EMSY: variants seen among roughly 807,000 people sequenced by gnomAD.
EMSY encodes the protein BRCA2-interacting transcriptional repressor EMSY.
EMSY carries 26 observed loss-of-function variants against 134.6 expected under a neutral mutation model. The observed-to-expected ratio is 0.19, with a 90% CI of 0.14 to 0.27. The LOEUF (loss-of-function observed/expected upper bound fraction) is 0.27. EMSY is among the 10% of genes least tolerant of loss of function. EMSY has a pLI of 1.00. For missense variants in EMSY, 1,305 were observed against 1,611.4 expected (o/e 0.81, Z 3.26); for synonymous variants, 579 against 577.8 (o/e 1.00, Z -0.03).
intron 8 of EMSY, among the ~76,000 whole-genome samples, chr11:76,484,339 A>G (rs2135549923): frequency 6.6e-6 from 1 of 152,332 alleles, no homozygotes; most frequent in Non-Finnish European, 1.5e-5. Flanking sequence ...CAATTAAAAG[A>G]ACTAGAGAAG....
chr11:76,484,687 CT>C (rs1460235527), intron 8 of EMSY, among the ~76,000 whole-genome samples: 2 of 152,176 alleles, frequency 1.3e-5, no homozygotes, highest in African/African-American at 4.8e-5. Flanking sequence ...GTAACCTGCA[CT>C]TTGGGAGGCC....
At position 76,523,152 on chromosome 11, in the gene EMSY, A is replaced by G. The variant is rs1950707427; in HGVS notation, c.1685-3A>G. ...GGCCTCCTTTTCTTCCCCCTTTTCT[A>G]AGGAACGACTACCAAAATCACTACA... On this transcript the variant is annotated splice_region_variant and splice_polypyrimidine_tract_variant and intron_variant, in intron 11 of 20. Coordinates refer to ENST00000334736, the Ensembl canonical transcript of EMSY. The G allele has an allele frequency of 3.1e-6, 5 of 1,603,732 alleles. No individual in the cohort carries two copies. The highest frequency in any genetic ancestry group is 4.2e-6 in the Non-Finnish European group (5 of 1,177,114).
chr11:76,487,261 CAG>C (rs758015537), intron 8 of EMSY, among the ~76,000 whole-genome samples: 6 of 152,224 alleles, frequency 3.9e-5, no homozygotes, highest in African/African-American at 7.2e-5. Context: ...GCCTGGGCGA[CAG>C]AGTCTCCTGG....
rs1236533829 is a variant in EMSY, at chr11:76,517,211, G to GT, written c.1684+900dup. Among the ~76,000 whole-genome samples, 810 of 151,464 alleles carry GT rather than the reference G, an allele frequency of 5.3e-3. 6 individuals carry two copies. The highest frequency in any genetic ancestry group is 0.018 in the African/African-American group (751 of 41,320). ...TTTGATGTTGCTGATAACTCAGGGA[G>GT]TGAAAAAAAAAGCAAAGCAGAGCAT... On this transcript the variant is annotated intron_variant, in intron 11 of 20. Transcript: ENST00000334736.
At chr11:76,475,544 A>T (rs1489898209) in intron 8 of EMSY, among the ~76,000 whole-genome samples, 2 of 152,230 alleles carry the variant, frequency 1.3e-5, no homozygotes, top group African/African-American at 4.8e-5. Flanking sequence ...GATTTCTCTT[A>T]AAGTCACTGG....
chr11:76,457,675 T>C (rs1462753466), intron 4 of EMSY, among the ~76,000 whole-genome samples: 2 of 152,216 alleles, frequency 1.3e-5, no homozygotes, highest in African/African-American at 4.8e-5. Context: ...GCTCCCTTGT[T>C]TACTGCCTCA....
chr11:76,451,384 T>C (rs1352379723), intron 2 of EMSY, among the ~76,000 whole-genome samples: 6 of 152,218 alleles, frequency 3.9e-5, no homozygotes, highest in African/African-American at 1.2e-4. Context: ...TTTGTTCCAA[T>C]ATTTTTTCCA....
intron 13 of EMSY, among the ~76,000 whole-genome samples, chr11:76,526,876 C>T (rs926709310): frequency 2.0e-5 from 3 of 152,016 alleles, no homozygotes; most frequent in African/African-American, 7.2e-5. Flanking sequence ...GAAATAATTA[C>T]CTAGGAATAC....
intron 2 of EMSY, 25 bp from the exon 3 acceptor site, chr11:76,451,833 T>C: frequency 6.7e-7 from 1 of 1,502,002 alleles, no homozygotes. Flanking sequence ...AGGCCTATCT[T>C]GATAAAATAA....
At chr11:76,513,916 A>G (rs1409616898) in intron 10 of EMSY, among the ~76,000 whole-genome samples, 14 of 152,300 alleles carry the variant, frequency 9.2e-5, no homozygotes. Context: ...TGAATGAATT[A>G]AAACAGTCCC....
intron 12 of EMSY, among the ~76,000 whole-genome samples, chr11:76,524,348 T>C (rs1950767402): frequency 6.6e-6 from 1 of 152,200 alleles, no homozygotes. Context: ...TACTTACCTG[T>C]TTAGGCTTGT....
At chr11:76,494,320 C>T (rs1949543210) in intron 8 of EMSY, among the ~76,000 whole-genome samples, 1 of 152,160 alleles carries the variant, frequency 6.6e-6, no homozygotes, top group African/African-American at 2.4e-5. Flanking sequence ...CCAGAGATCC[C>T]GTGACAATAG....
At chr11:76,510,580 T>C (rs948062926) in intron 9 of EMSY, among the ~76,000 whole-genome samples, 1 of 152,162 alleles carries the variant, frequency 6.6e-6, no homozygotes, top group African/African-American at 2.4e-5. Context: ...GTGGAGTCAC[T>C]GCCTCACAAG....
chr11:76,510,576 T>C (rs1950239326), intron 9 of EMSY, among the ~76,000 whole-genome samples: 1 of 151,866 alleles, frequency 6.6e-6, no homozygotes, highest in Non-Finnish European at 1.5e-5. Context: ...GGTGGTGGAG[T>C]CACTGCCTCA....
At chr11:76,547,774 T>A (rs1490672121) in intron 20 of EMSY, among the ~76,000 whole-genome samples, 2 of 152,234 alleles carry the variant, frequency 1.3e-5, no homozygotes, top group Non-Finnish European at 2.9e-5. Context: ...ATTTGGGAAT[T>A]ATTTTTCTGC....
At chr11:76,448,879 A>AT (rs1420688430) in intron 2 of EMSY, among the ~76,000 whole-genome samples, 1 of 152,150 alleles carries the variant, frequency 6.6e-6, no homozygotes, top group Admixed American at 6.5e-5. Context: ...AAATACTTAG[A>AT]TTTTACATAC....
At position 76,522,562 on chromosome 11, in the gene EMSY, C is replaced by T. The variant is rs1362191415; in HGVS notation, c.1685-593C>T. Among the ~76,000 whole-genome samples, 4 of 151,712 alleles carry T rather than the reference C, an allele frequency of 2.6e-5. No individual in the cohort carries two copies. In the East Asian group the frequency reaches 5.8e-4, roughly 22 times the overall value. Reference sequence around the variant, plus strand: ...TTTTTGTATTTTTAGTAGAGATAGACTTTCACCAGGCTGATCTTGAACTCC... The same window carrying T: ...TTTTTGTATTTTTAGTAGAGATAGATTTTCACCAGGCTGATCTTGAACTCC... On this transcript the variant is annotated intron_variant, in intron 11 of 20. Transcript: ENST00000334736.
intron 6 of EMSY, among the ~76,000 whole-genome samples, chr11:76,462,755 G>T (rs1307464816): frequency 6.6e-6 from 1 of 152,216 alleles, no homozygotes; most frequent in Admixed American, 6.5e-5. Flanking sequence ...GGTACATGGG[G>T]TTGGATGTAA....
rs372078624 is a variant in EMSY, at chr11:76,544,447, G to T, written c.2898G>T (p.Val966=). ...CGCTGGAACAGACTCAGCTGCAAGT[G>T]AAAACTCTGCAGTGCTTCCAGACTA... Residue 966 remains valine (V), a synonymous_variant, in exon 19 of 21, where the codon GTG becomes GTT. Coordinates refer to ENST00000334736, the Ensembl canonical transcript of EMSY. 3.1e-6 allele frequency: 5 copies of T among 1,613,968 alleles called. No homozygotes were observed. In the African/African-American group the frequency reaches 6.7e-5, roughly 22 times the overall value.
Sources: gnomAD v4.1 joint callset for allele counts (sites outside exome capture counted in the v4.1 genomes callset) on GRCh38, gnomAD v4.1.1 for gene constraint, MANE v1.5 for transcripts, NCBI Gene and HGNC (gene_info 2026-07-23, HGNC 2026-07-21) for gene names.